EYA2: variants seen among roughly 807,000 people sequenced by gnomAD.
The protein encoded by EYA2 is protein phosphatase EYA2.
EYA2 carries 31 observed loss-of-function variants against 69.2 expected under a neutral mutation model. That is an observed-to-expected ratio of 0.45 (90% confidence interval 0.34 to 0.60). EYA2 has a LOEUF of 0.60. Ranked by LOEUF, EYA2 falls within the 20% of genes least tolerant of loss-of-function variation. The probability of loss-of-function intolerance (pLI) is 0.02; values close to 1 mark genes in which losing one functional copy is unlikely to be tolerated. For missense variants in EYA2, 622 were observed against 701.2 expected (o/e 0.89, Z 1.28); for synonymous variants, 257 against 279.4 (o/e 0.92, Z 0.80).
At position 47,097,096 on chromosome 20, in the gene EYA2, G is replaced by C. The variant is rs570029207; in HGVS notation, c.816G>C (p.Val272=). 8 of 1,609,730 alleles carry C rather than the reference G, an allele frequency of 5.0e-6. No homozygotes were observed. Among genetic ancestry groups the C allele is most frequent in the Admixed American group, 3.4e-5 (2 of 59,152 alleles). The change falls in exon 9 of 16, where the codon GTG becomes GTC. Residue 272 remains valine, a synonymous_variant. Transcript: ENST00000327619. ...AGDNEIERVF[V]WDLDETIIIF... is the part of the protein sequence containing the mutation. ...CTCTTTCATCACAGCGTGTGTTCGT[G>C]TGGGACTTGGATGAGACAATAATTA...
intron 8 of EYA2, among the ~76,000 whole-genome samples, chr20:47,094,171 G>A (rs1419943947): frequency 6.6e-6 from 1 of 152,104 alleles, no homozygotes; most frequent in Non-Finnish European, 1.5e-5. Flanking sequence ...TTTTTCAGAG[G>A]GGATTTAATG....
chr20:47,039,264 A>G (rs1984903335), intron 5 of EYA2, among the ~76,000 whole-genome samples: 1 of 152,216 alleles, frequency 6.6e-6, no homozygotes, highest in Non-Finnish European at 1.5e-5. Flanking sequence ...TGGGTTTTAC[A>G]TTTTCAGATG....
At chr20:47,127,068 G>A (rs1029001142) in intron 9 of EYA2, among the ~76,000 whole-genome samples, 21 of 151,528 alleles carry the variant, frequency 1.4e-4, no homozygotes, top group African/African-American at 5.1e-4. Context: ...GCACCCATCA[G>A]TCCCCACCCC....
intron 1 of EYA2, among the ~76,000 whole-genome samples, chr20:46,934,190 A>G (rs1293079577): frequency 6.6e-6 from 1 of 152,206 alleles, no homozygotes; most frequent in Non-Finnish European, 1.5e-5. Context: ...GAAACAAACA[A>G]AAGAAAGAGA....
chr20:46,936,023 G>C (rs1003313756), intron 1 of EYA2, among the ~76,000 whole-genome samples: 1 of 152,174 alleles, frequency 6.6e-6, no homozygotes, highest in African/African-American at 2.4e-5. Flanking sequence ...TTCAGATTCA[G>C]AGTGCTCAAC....
At chr20:47,145,144 A>G (rs1372810637) in intron 10 of EYA2, among the ~76,000 whole-genome samples, 1 of 152,006 alleles carries the variant, frequency 6.6e-6, no homozygotes, top group Non-Finnish European at 1.5e-5. Context: ...CATAAACAAG[A>G]CCATTTATGA....
At chr20:46,898,473 A>G (rs1983927506) in intron 1 of EYA2, among the ~76,000 whole-genome samples, 1 of 151,510 alleles carries the variant, frequency 6.6e-6, no homozygotes, top group Non-Finnish European at 1.5e-5. Flanking sequence ...TCCATCCCCC[A>G]ATGTCATAAC....
At chr20:46,995,589 A>C (rs1179870807) in intron 2 of EYA2, among the ~76,000 whole-genome samples, 1 of 152,214 alleles carries the variant, frequency 6.6e-6, no homozygotes, top group Non-Finnish European at 1.5e-5. Flanking sequence ...GAACTGATAC[A>C]GTTTACAGAC....
At chr20:46,898,394 AACAC>A (rs3085766) in intron 1 of EYA2, among the ~76,000 whole-genome samples, 4,539 of 146,424 alleles carry the variant, frequency 0.031, 237 homozygotes, top group African/African-American at 0.11. Flanking sequence ...GTTGACAGAA[AACAC>A]ACACACACAC....
chr20:46,948,845 C>A (rs17488678), intron 1 of EYA2, among the ~76,000 whole-genome samples: 47,950 of 152,078 alleles, frequency 0.32, 9,423 homozygotes, highest in Non-Finnish European at 0.44. Flanking sequence ...TTGAGATGAT[C>A]GCTCCATAAA....
At chr20:47,106,079 C>G (rs923050211) in intron 9 of EYA2, among the ~76,000 whole-genome samples, 4 of 152,166 alleles carry the variant, frequency 2.6e-5, no homozygotes, top group Admixed American at 2.0e-4. Flanking sequence ...ATATAGTCAT[C>G]TTTTGTGTTT....
chr20:47,074,082 G>T, intron 6 of EYA2, 76 bp from the exon 7 acceptor site: 1 of 1,368,612 alleles, frequency 7.3e-7, no homozygotes, highest in Non-Finnish European at 9.9e-7. Context: ...GTGAGACAGA[G>T]TGGCCAGGCT....
intron 9 of EYA2, among the ~76,000 whole-genome samples, chr20:47,110,861 T>C (rs2032730642): frequency 6.6e-6 from 1 of 152,272 alleles, no homozygotes; most frequent in Non-Finnish European, 1.5e-5. Flanking sequence ...TGGCAGCCTC[T>C]GTCTCAGACT....
intron 9 of EYA2, among the ~76,000 whole-genome samples, chr20:47,134,783 A>C (rs1301766145): frequency 6.6e-6 from 1 of 152,226 alleles, no homozygotes; most frequent in Non-Finnish European, 1.5e-5. Flanking sequence ...ATAAATAAAC[A>C]TTAAGTGATC....
intron 1 of EYA2, among the ~76,000 whole-genome samples, chr20:46,933,088 G>C (rs1160514313): frequency 6.6e-6 from 1 of 152,168 alleles, no homozygotes; most frequent in Non-Finnish European, 1.5e-5. Flanking sequence ...TATCTTTATA[G>C]CTGTGTGAGA....
intron 1 of EYA2, among the ~76,000 whole-genome samples, chr20:46,959,942 G>A (rs964842066): frequency 1.3e-5 from 2 of 152,150 alleles, no homozygotes; most frequent in African/African-American, 2.4e-5. Flanking sequence ...GGGAATATGG[G>A]AATCTGTCGC....
At chr20:47,182,628 TAAA>T (rs772113561) in intron 14 of EYA2, among the ~76,000 whole-genome samples, 3 of 84,336 alleles carry the variant, frequency 3.6e-5, no homozygotes, top group Non-Finnish European at 6.3e-5. Flanking sequence ...AGACTCCGTC[TAAA>T]AAAAAAAAAA....
At chr20:47,039,375 G>A (rs559209021) in intron 5 of EYA2, among the ~76,000 whole-genome samples, 53 of 152,126 alleles carry the variant, frequency 3.5e-4, no homozygotes, top group Non-Finnish European at 5.7e-4. Flanking sequence ...ATTGGCACAC[G>A]GCCACATCCA....
intron 5 of EYA2, among the ~76,000 whole-genome samples, chr20:47,042,268 GT>G (rs879841970): frequency 6.6e-6 from 1 of 152,198 alleles, no homozygotes; most frequent in Non-Finnish European, 1.5e-5. Context: ...CAGCTAATGA[GT>G]GGTAAAGCCA....
Sources: gnomAD v4.1 joint callset for allele counts (sites outside exome capture counted in the v4.1 genomes callset) on GRCh38, gnomAD v4.1.1 for gene constraint, MANE v1.5 for transcripts, NCBI Gene and HGNC (gene_info 2026-07-23, HGNC 2026-07-21) for gene names.